The following CPEB3 variants were observed in gnomAD, a reference collection of about 807,000 sequenced individuals.
CPEB3 encodes the protein cytoplasmic polyadenylation element binding protein 3.
A neutral mutation model predicts 67.2 loss-of-function variants in CPEB3; 20 were observed. The observed-to-expected ratio is 0.30, with a 90% CI of 0.21 to 0.43. The LOEUF (loss-of-function observed/expected upper bound fraction) is 0.43. CPEB3 is among the 20% of genes least tolerant of loss of function. CPEB3 has a pLI of 1.00. For missense variants in CPEB3, 746 were observed against 968.6 expected (o/e 0.77, Z 3.05); for synonymous variants, 376 against 393.1 (o/e 0.96, Z 0.51).
rs774855993 is a variant in CPEB3 at position 92,091,816 on chromosome 10, C to T, written c.1687+14G>A. On this transcript the variant is annotated intron_variant, in intron 8 of 9. Coordinates refer to ENST00000265997, the MANE Select transcript of CPEB3 (RefSeq NM_014912.5). Reference sequence around the variant, plus strand: ...TGTTGGTTTTGTTGTTGTGGTATTACTATTTCCACTCACCAGCTCGAAGGG... The same window carrying T: ...TGTTGGTTTTGTTGTTGTGGTATTATTATTTCCACTCACCAGCTCGAAGGG... 6 of 1,497,726 alleles carry T rather than the reference C, an allele frequency of 4.0e-6. No homozygotes were observed. Among genetic ancestry groups the T allele is most frequent in the Admixed American group, 3.7e-5 (2 of 54,334 alleles). 92.8% of individuals were successfully genotyped at this position (1,497,726 alleles called of 1,614,324 possible).
chr10:92,087,823 A>C (rs1485852128), intron 8 of CPEB3, among the ~76,000 whole-genome samples: 1 of 152,210 alleles, frequency 6.6e-6, no homozygotes, highest in Non-Finnish European at 1.5e-5. Flanking sequence ...ACGTGAATGA[A>C]GCAGAGTGGC....
At chr10:92,231,159 G>A (rs1851249277) in intron 2 of CPEB3, among the ~76,000 whole-genome samples, 1 of 152,274 alleles carries the variant, frequency 6.6e-6, no homozygotes, top group South Asian at 2.1e-4. Context: ...AGTGTGACAT[G>A]TCTATATATA....
At chr10:92,066,370 G>T (rs1842547776) in intron 9 of CPEB3, among the ~76,000 whole-genome samples, 1 of 152,086 alleles carries the variant, frequency 6.6e-6, no homozygotes, top group African/African-American at 2.4e-5. Flanking sequence ...AGTCTAGCCT[G>T]AACAGCATCT....
intron 2 of CPEB3, among the ~76,000 whole-genome samples, chr10:92,195,271 T>C (rs898142985): frequency 6.6e-6 from 1 of 152,164 alleles, no homozygotes; most frequent in African/African-American, 2.4e-5. Context: ...TGGACAACAC[T>C]CACCCATTAC....
chr10:92,192,774 ATTTG>A (rs1849045196), intron 2 of CPEB3, 138 bp from the exon 3 acceptor site: 1 of 573,240 alleles, frequency 1.7e-6, no homozygotes, highest in South Asian at 3.5e-5. Context: ...CCTTCTTTTT[ATTTG>A]TTTATTTATT....
At chr10:92,281,977 A>G (rs1186113985) in intron 1 of CPEB3, among the ~76,000 whole-genome samples, 1 of 152,176 alleles carries the variant, frequency 6.6e-6, no homozygotes, top group Non-Finnish European at 1.5e-5. Flanking sequence ...GTCTCAGAGA[A>G]CCCTGGGGTC....
intron 3 of CPEB3, among the ~76,000 whole-genome samples, chr10:92,189,912 A>AT (rs1347857842): frequency 1.3e-5 from 2 of 150,306 alleles, no homozygotes; most frequent in Non-Finnish European, 3.0e-5. Flanking sequence ...GTAAAAATGT[A>AT]TTTTTTTCTG....
intron 4 of CPEB3, among the ~76,000 whole-genome samples, chr10:92,167,117 C>T (rs771033051): frequency 1.3e-5 from 2 of 152,148 alleles, no homozygotes; most frequent in Non-Finnish European, 2.9e-5. Flanking sequence ...AGAGTTAGGG[C>T]CTTGCTCTGG....
At chr10:92,216,832 T>C in intron 2 of CPEB3, 1 of 1,595,476 alleles carries the variant, frequency 6.3e-7, no homozygotes, top group Non-Finnish European at 8.6e-7. Context: ...CGCTGGAAGC[T>C]ACTGGGCTGA....
At chr10:92,199,951 A>G (rs531896051) in intron 2 of CPEB3, among the ~76,000 whole-genome samples, 4 of 151,906 alleles carry the variant, frequency 2.6e-5, no homozygotes, top group African/African-American at 7.2e-5. Context: ...AACATCTCCA[A>G]TCCTGCCTCC....
chr10:92,183,743 T>G (rs574061023), intron 3 of CPEB3, among the ~76,000 whole-genome samples: 1 of 152,228 alleles, frequency 6.6e-6, no homozygotes, highest in South Asian at 2.1e-4. Flanking sequence ...CAAGGAATAT[T>G]TAGAGGAGGG....
chr10:92,133,036 G>A (rs1845917925), intron 6 of CPEB3, among the ~76,000 whole-genome samples: 1 of 152,128 alleles, frequency 6.6e-6, no homozygotes, highest in Non-Finnish European at 1.5e-5. Context: ...AGGGAAATTT[G>A]TAGCACTAAA....
In CPEB3 at chr10:92,216,732, A is replaced by T; in HGVS notation, c.1005+22614T>A. 9 of 1,607,864 alleles carry T rather than the reference A, an allele frequency of 5.6e-6. 1 individual carries two copies. In the South Asian group the frequency reaches 9.9e-5, roughly 18 times the overall value. On this transcript the variant is annotated intron_variant, in intron 2 of 9. Transcript: ENST00000265997. ...GTGATAATGGTCAAGCCCCACGAGG[A>T]GTACCAGGAGGCTTACGACGAGTGC...
At chr10:92,088,225 A>T (rs943988064) in intron 8 of CPEB3, among the ~76,000 whole-genome samples, 3 of 126,312 alleles carry the variant, frequency 2.4e-5, no homozygotes, top group Non-Finnish European at 3.3e-5. Flanking sequence ...TTCCAACCTA[A>T]TTTTTTTTTT....
chr10:92,151,178 G>A (rs1221554648), intron 4 of CPEB3, among the ~76,000 whole-genome samples: 1 of 152,140 alleles, frequency 6.6e-6, no homozygotes, highest in Non-Finnish European at 1.5e-5. Context: ...AGCAAATGAT[G>A]GAAAAACAAA....
chr10:92,062,746 C>A (rs532616327), intron 9 of CPEB3, among the ~76,000 whole-genome samples: 12 of 152,334 alleles, frequency 7.9e-5, no homozygotes, highest in African/African-American at 2.6e-4. Context: ...TTAACCACTA[C>A]GATTACCTGG....
chr10:92,103,667 A>G (rs568944651), intron 7 of CPEB3, among the ~76,000 whole-genome samples: 134 of 152,342 alleles, frequency 8.8e-4, no homozygotes, highest in African/African-American at 3.0e-3. Flanking sequence ...CCTGTTTGCA[A>G]TGCATCAAGA....
At chr10:92,171,568 A>AG (rs1334706560) in intron 4 of CPEB3, among the ~76,000 whole-genome samples, 3 of 152,272 alleles carry the variant, frequency 2.0e-5, no homozygotes, top group African/African-American at 2.4e-5. Context: ...AAACAAAGGA[A>AG]GGGGGGTAGA....
chr10:92,095,598 ATATT>A (rs960855619), intron 7 of CPEB3, among the ~76,000 whole-genome samples: 5 of 85,272 alleles, frequency 5.9e-5, no homozygotes, highest in East Asian at 3.0e-4. Flanking sequence ...ATATATATAT[ATATT>A]TTTTTTTTTT....
Sources: gnomAD v4.1 joint callset for allele counts (sites outside exome capture counted in the v4.1 genomes callset) on GRCh38, gnomAD v4.1.1 for gene constraint, MANE v1.5 for transcripts, NCBI Gene and HGNC (gene_info 2026-07-23, HGNC 2026-07-21) for gene names.